SRSF7: variants seen among roughly 807,000 people sequenced by gnomAD.
The protein encoded by SRSF7 is serine and arginine rich splicing factor 7.
SRSF7 carries 15 observed loss-of-function variants against 42.2 expected under a neutral mutation model. The ratio of observed to expected loss-of-function variants is 0.36; its 90% confidence interval spans 0.24 to 0.55. SRSF7 has a LOEUF of 0.55. Ranked by LOEUF, SRSF7 falls within the 20% of genes least tolerant of loss-of-function variation. SRSF7 has a pLI of 0.88. For synonymous variants in SRSF7, 138 were observed against 107.9 expected, an observed-to-expected ratio of 1.28 and a Z score of -1.73; for missense variants, 181 against 305.9, an observed-to-expected ratio of 0.59 and a Z score of 3.04.
chr2:38,749,873 C>T, intron 2 of SRSF7, 141 bp downstream of exon 2: 1 of 1,239,520 alleles, frequency 8.1e-7, no homozygotes, highest in Non-Finnish European at 1.1e-6. Context: ...TCTTCTTTAA[C>T]CTTCGTGTGC....
Position 38,743,936 on chromosome 2 carries a change from T to TA in SRSF7, c.*1196dup. 6.6e-6 allele frequency: 1 copy of TA among 150,946 alleles called. No individual in the cohort carries two copies. Among genetic ancestry groups the TA allele is most frequent in the African/African-American group, 2.4e-5 (1 of 40,928 alleles). 9.4% of individuals were successfully genotyped at this position (150,946 alleles called of 1,614,324 possible). On this transcript the variant is annotated 3_prime_UTR_variant, in exon 8 of 8. Transcript: ENST00000313117. The stretch of plus-strand genomic sequence containing the variant: ...TGTACCAAGGCTAGAGAATGCCTGG[T>TA]AAAAGCTTGACCAGAAAACTCTCAA...
At chr2:38,745,715 A>AT (rs1667281778) in intron 7 of SRSF7, among the ~76,000 whole-genome samples, 1 of 152,230 alleles carries the variant, frequency 6.6e-6, no homozygotes, top group Non-Finnish European at 1.5e-5. Context: ...ACCTGCAGTT[A>AT]AATATGACAA....
intron 5 of SRSF7, chr2:38,747,206 G>GC (rs1301858103): frequency 5.0e-6 from 2 of 396,088 alleles, no homozygotes; most frequent in African/African-American, 2.1e-5. Context: ...AAAGAAAGCC[G>GC]CCCCCCATTT....
chr2:38,745,213 A>G lies in SRSF7; in HGVS notation c.663-26T>C, dbSNP rs1175163868. The G allele has an allele frequency of 1.9e-6, 3 of 1,613,468 alleles. No individual in the cohort carries two copies. The Admixed American group carries it at 5.0e-5, about 27-fold the overall frequency. ...CTAAAAAGAAAAACATTAGGTTTGG[A>G]TCCAATTAGTGTCAATTGAAACTCT... On this transcript the variant is annotated intron_variant, in intron 7 of 7. Coordinates refer to ENST00000313117, the MANE Select transcript of SRSF7 (RefSeq NM_001031684.3).
At chr2:38,751,148 C>T (rs570177706) in intron 1 of SRSF7, 81 bp downstream of exon 1, 1 of 1,584,790 alleles carries the variant, frequency 6.3e-7, no homozygotes, top group African/African-American at 1.3e-5. Flanking sequence ...TAACCGTCTC[C>T]CAACCTCCGC....
chr2:38,748,966 A>C, intron 3 of SRSF7: 1 of 1,304,492 alleles, frequency 7.7e-7, no homozygotes, highest in Non-Finnish European at 9.9e-7. Context: ...AGAAGTATCT[A>C]TAGCCGATCG....
In SRSF7 at chr2:38,751,318, A is replaced by G; in HGVS notation, c.-62T>C. 79 of 1,611,332 alleles carry G rather than the reference A, an allele frequency of 4.9e-5. 1 individual carries two copies. The highest frequency in any genetic ancestry group is 8.3e-5 in the Admixed American group (5 of 59,972). ...GCGCCCAGGGCTCGAGTGACGCAAA[A>G]GCTGACACACACCTTCACCCGCCAA... On this transcript the variant is annotated 5_prime_UTR_variant, in exon 1 of 8. Coordinates refer to ENST00000313117, the MANE Select transcript of SRSF7 (RefSeq NM_001031684.3).
intron 3 of SRSF7, chr2:38,748,931 A>G: frequency 7.5e-7 from 1 of 1,337,048 alleles, no homozygotes; most frequent in Non-Finnish European, 9.6e-7. Context: ...TCTTTGGCCC[A>G]TGGTCTAGTA....
At chr2:38,749,984 T>C (rs776928950) in intron 2 of SRSF7, 30 bp downstream of exon 2, 4 of 1,581,274 alleles carry the variant, frequency 2.5e-6, no homozygotes, top group South Asian at 2.3e-5. Flanking sequence ...TATATTTTAA[T>C]GAACAGAAGA....
chr2:38,751,086 C>T (rs1668277560), intron 1 of SRSF7, 143 bp downstream of exon 1: 2 of 1,089,968 alleles, frequency 1.8e-6, no homozygotes, highest in Non-Finnish European at 2.8e-6. Context: ...CCCGCCTCCG[C>T]TGCCTCCGGC....
chr2:38,748,826 G>A, intron 3 of SRSF7, 173 bp from the exon 4 acceptor site: 6 of 1,282,524 alleles, frequency 4.7e-6, no homozygotes, highest in South Asian at 1.6e-5. Context: ...CCTAAAAAAA[G>A]ATTTGTTAAA....
chr2:38,750,577 G>C (rs981705267), intron 1 of SRSF7, among the ~76,000 whole-genome samples: 3 of 151,800 alleles, frequency 2.0e-5, no homozygotes, highest in South Asian at 2.1e-4. Flanking sequence ...GGTAGGGGCC[G>C]GGCCAGGAGA....
Position 38,746,208 on chromosome 2 carries a change from G to C in SRSF7, c.627-29C>G, listed in dbSNP as rs199741275. 3.1e-6 allele frequency: 5 copies of C among 1,613,114 alleles called. No homozygotes were observed. The Admixed American group carries it at 6.7e-5, about 22-fold the overall frequency. On this transcript the variant is annotated intron_variant, in intron 6 of 7. Transcript: ENST00000313117. ...TCAAAACATGAGAAATTCTATTAAA[G>C]AAAGAGTACTAACCAATCCCTTTCT...
chr2:38,751,270 C>T lies in SRSF7; in HGVS notation c.-14G>A. On this transcript the variant is annotated 5_prime_UTR_variant, in exon 1 of 8. Transcript: ENST00000313117. ...GTAACGCGACATGATGACAGACCCGCGTGCTCGGCTCTTTAGCAAGCAGCG... is the reference window on the plus strand; with the variant it reads ...GTAACGCGACATGATGACAGACCCGTGTGCTCGGCTCTTTAGCAAGCAGCG... 9 of 1,614,186 alleles carry T rather than the reference C, an allele frequency of 5.6e-6. No individual in the cohort carries two copies. The highest frequency in any genetic ancestry group is 7.6e-6 in the Non-Finnish European group (9 of 1,180,010).
At position 38,745,206 on chromosome 2, in the gene SRSF7, G is replaced by C. The variant is rs1558607023; in HGVS notation, c.663-19C>G. On this transcript the variant is annotated intron_variant, in intron 7 of 7. Transcript: ENST00000313117. Reference sequence around the variant, plus strand: ...GGAACGACTAAAAAGAAAAACATTAGGTTTGGATCCAATTAGTGTCAATTG... The same window carrying C: ...GGAACGACTAAAAAGAAAAACATTACGTTTGGATCCAATTAGTGTCAATTG... 2 of 1,613,742 alleles carry C rather than the reference G, an allele frequency of 1.2e-6. No homozygotes were observed. Among genetic ancestry groups the C allele is most frequent in the South Asian group, 2.2e-5 (2 of 91,068 alleles).
In SRSF7 at chr2:38,750,031, T is replaced by C; in HGVS notation, c.192A>G (p.Val64=). The change falls in exon 2 of 8, where the codon GTA becomes GTG. Residue 64 remains valine, a synonymous_variant. Transcript: ENST00000313117. ...TTACTTACTTTCCATCCAGTCCTCG[T>C]ACTGCATCTTCTGCATCTCTAGGAT... The part of the protein sequence containing the change: ...FEDPRDAEDA[V]RGLDGKVICG... 1.2e-6 allele frequency: 2 copies of C among 1,612,802 alleles called. No individual in the cohort carries two copies. Among genetic ancestry groups the C allele is most frequent in the South Asian group, 1.1e-5 (1 of 90,706 alleles).
chr2:38,744,934 C>A lies in SRSF7; in HGVS notation c.*199G>T. 1.9e-5 allele frequency: 9 copies of A among 473,572 alleles called. No homozygotes were observed. Among genetic ancestry groups the A allele is most frequent in the South Asian group, 1.1e-4 (2 of 18,336 alleles). The allele number at this position is 473,572 out of a possible 1,614,324, so 29.3% of individuals were successfully genotyped here. ...TTATTTAAATGTGCCAAATAAAAAC[C>A]CACATTTTCAGACCATATGATGTTA... On this transcript the variant is annotated 3_prime_UTR_variant, in exon 8 of 8. Coordinates refer to ENST00000313117, the MANE Select transcript of SRSF7 (RefSeq NM_001031684.3).
intron 3 of SRSF7, chr2:38,749,164 A>G: frequency 7.6e-7 from 1 of 1,322,774 alleles, no homozygotes; most frequent in East Asian, 5.3e-5. Flanking sequence ...ACCGTCTCAA[A>G]TTTTCTGCCC....
intron 1 of SRSF7, chr2:38,751,022 A>G (rs1199985107): frequency 1.2e-5 from 7 of 601,352 alleles, no homozygotes; most frequent in African/African-American, 1.1e-4. Flanking sequence ...AAAATGCCCA[A>G]GAGTACGGAA....
Sources: allele counts gnomAD v4.1 joint callset (sites outside exome capture counted in the v4.1 genomes callset), GRCh38; gene constraint gnomAD v4.1.1; transcripts MANE v1.5; gene names NCBI Gene and HGNC (gene_info 2026-07-23, HGNC 2026-07-21).